ACOT13: variants seen among roughly 807,000 people sequenced by gnomAD.
The protein encoded by ACOT13 is acyl-CoA thioesterase 13, also known as acyl-coenzyme A thioesterase 13.
A neutral mutation model predicts 11.8 loss-of-function variants in ACOT13; 10 were observed. That is an observed-to-expected ratio of 0.85 (90% CI 0.53 to 1.44). ACOT13 has a LOEUF of 1.44. ACOT13 is among the 40% of genes most tolerant of loss of function. The pLI is 0.00. For missense variants in ACOT13, 172 were observed against 174.1 expected, an observed-to-expected ratio of 0.99 and a Z score of 0.07; for synonymous variants, 53 against 61.0, an observed-to-expected ratio of 0.87 and a Z score of 0.61.
intron 1 of ACOT13, among the ~76,000 whole-genome samples, chr6:24,687,230 T>C (rs893653085): frequency 6.6e-6 from 1 of 152,258 alleles, no homozygotes; most frequent in Admixed American, 6.5e-5. Flanking sequence ...CCCCCAGCTC[T>C]GGCTACCACC....
intron 1 of ACOT13, among the ~76,000 whole-genome samples, chr6:24,675,145 T>G (rs1218926368): frequency 1.3e-5 from 2 of 152,134 alleles, no homozygotes; most frequent in South Asian, 4.2e-4. Flanking sequence ...TGGACATTTG[T>G]GTTGGTTCCA....
At chr6:24,700,915 ATTTTT>A (rs11394883) in intron 2 of ACOT13, 1 of 151,082 alleles carries the variant, frequency 6.6e-6, no homozygotes, top group Non-Finnish European at 1.5e-5. Flanking sequence ...CATCTCCCCA[ATTTTT>A]TTTTTAATTA....
chr6:24,693,267 G>A (rs935241104), intron 1 of ACOT13, among the ~76,000 whole-genome samples: 8 of 152,174 alleles, frequency 5.3e-5, no homozygotes, highest in African/African-American at 1.9e-4. Flanking sequence ...GGTGGCTCAC[G>A]TGTTTATGTA....
chr6:24,701,092 A>G (rs1228231607), intron 2 of ACOT13: 1 of 158,560 alleles, frequency 6.3e-6, no homozygotes, highest in Admixed American at 6.4e-5. Context: ...GTAAATATGG[A>G]TAGGACAATA....
intron 1 of ACOT13, among the ~76,000 whole-genome samples, chr6:24,676,150 G>T (rs1234180286): frequency 1.3e-5 from 2 of 152,236 alleles, no homozygotes; most frequent in African/African-American, 4.8e-5. Flanking sequence ...TTTGAAGTCA[G>T]GTAGCGTGAT....
intron 1 of ACOT13, among the ~76,000 whole-genome samples, chr6:24,669,514 G>T (rs60398658): frequency 0.1 from 15,502 of 151,940 alleles, 904 homozygotes; most frequent in South Asian, 0.25. Flanking sequence ...GTGATTTGGG[G>T]GCCCAAGATA....
chr6:24,691,740 T>C (rs1477309847), intron 1 of ACOT13, among the ~76,000 whole-genome samples: 1 of 152,128 alleles, frequency 6.6e-6, no homozygotes, highest in Non-Finnish European at 1.5e-5. Flanking sequence ...TGCTTTCCAT[T>C]GTTTGAGGGC....
At chr6:24,687,845 G>T (rs1287559202) in intron 1 of ACOT13, among the ~76,000 whole-genome samples, 3 of 151,392 alleles carry the variant, frequency 2.0e-5, no homozygotes, top group African/African-American at 7.3e-5. Flanking sequence ...CAGAGCAGCT[G>T]GGATTACAGG....
At chr6:24,674,431 TAG>T (rs1361525355) in intron 1 of ACOT13, among the ~76,000 whole-genome samples, 2 of 151,430 alleles carry the variant, frequency 1.3e-5, no homozygotes, top group Non-Finnish European at 2.9e-5. Flanking sequence ...TTTTTTGAGA[TAG>T]AGTCTCATTC....
At chr6:24,686,019 A>G (rs1361368545) in intron 1 of ACOT13, among the ~76,000 whole-genome samples, 2 of 151,912 alleles carry the variant, frequency 1.3e-5, no homozygotes, top group Non-Finnish European at 2.9e-5. Context: ...ATAGGGTGTT[A>G]GACTCAATCT....
chr6:24,679,897 C>T (rs539836907), intron 1 of ACOT13, among the ~76,000 whole-genome samples: 1 of 152,288 alleles, frequency 6.6e-6, no homozygotes, highest in African/African-American at 2.4e-5. Flanking sequence ...TGCTTTAAGT[C>T]TGAGAGAGAA....
At chr6:24,676,875 A>G (rs1778463249) in intron 1 of ACOT13, among the ~76,000 whole-genome samples, 1 of 152,080 alleles carries the variant, frequency 6.6e-6, no homozygotes, top group Admixed American at 6.5e-5. Flanking sequence ...CTGATGTTTG[A>G]TAGGTGTTCC....
chr6:24,667,231 GC>G lies in ACOT13; in HGVS notation c.-32del, dbSNP rs1778273273. ...TCCAGCTCTTCCGAAGTTCGTTCTT[GC>G]GCAAAGCCCAAAGGCTGGAAAACCG... On this transcript the variant is annotated 5_prime_UTR_variant, in exon 1 of 3. Transcript: ENST00000230048. 1 of 1,608,220 alleles carries G rather than the reference GC, an allele frequency of 6.2e-7. No homozygotes were observed. Among genetic ancestry groups the G allele is most frequent in the African/African-American group, 1.3e-5 (1 of 74,820 alleles).
intron 2 of ACOT13, 123 bp from the exon 3 acceptor site, chr6:24,701,336 C>T: frequency 2.5e-6 from 2 of 812,020 alleles, no homozygotes; most frequent in African/African-American, 1.7e-5. Flanking sequence ...GAAAGCTTAC[C>T]AATACTACCG....
At chr6:24,682,540 A>G (rs1036959511) in intron 1 of ACOT13, among the ~76,000 whole-genome samples, 1 of 152,198 alleles carries the variant, frequency 6.6e-6, no homozygotes, top group Admixed American at 6.5e-5. Flanking sequence ...GGATGAACCC[A>G]GGCACTTAGC....
chr6:24,701,048 G>T (rs1206759261), intron 2 of ACOT13: 1 of 153,012 alleles, frequency 6.5e-6, no homozygotes, highest in Non-Finnish European at 1.5e-5. Flanking sequence ...ATTCCTTATA[G>T]TTGTTATATT....
intron 1 of ACOT13, among the ~76,000 whole-genome samples, chr6:24,697,412 C>T (rs528212501): frequency 6.6e-6 from 1 of 151,192 alleles, no homozygotes; most frequent in East Asian, 1.9e-4. Flanking sequence ...GTCAAAGTTC[C>T]AATGAGATAA....
intron 1 of ACOT13, among the ~76,000 whole-genome samples, chr6:24,669,420 C>T (rs1048316138): frequency 2.6e-5 from 4 of 152,166 alleles, no homozygotes; most frequent in African/African-American, 9.7e-5. Context: ...ACATTTATCT[C>T]AATGAGCAGA....
At chr6:24,675,154 CA>C (rs1365737847) in intron 1 of ACOT13, among the ~76,000 whole-genome samples, 1 of 152,010 alleles carries the variant, frequency 6.6e-6, no homozygotes, top group Non-Finnish European at 1.5e-5. Context: ...GTGTTGGTTC[CA>C]AGTCTTTGCT....
Sources: allele counts gnomAD v4.1 joint callset (sites outside exome capture counted in the v4.1 genomes callset), GRCh38; gene constraint gnomAD v4.1.1; transcripts MANE v1.5; gene names NCBI Gene and HGNC (gene_info 2026-07-23, HGNC 2026-07-21).